Variants in BMPR1B observed in about 807,000 individuals in gnomAD.
BMPR1B encodes bone morphogenetic protein receptor type-1B.
A neutral mutation model predicts 59.1 loss-of-function variants in BMPR1B; 12 were observed. That is an observed-to-expected ratio of 0.20 (90% CI 0.13 to 0.33). The LOEUF is 0.33. Among genes scored for constraint, BMPR1B ranks in the 10% least tolerant of loss-of-function variants. The pLI is 1.00. For missense variants in BMPR1B, 550 were observed against 610.9 expected, an observed-to-expected ratio of 0.90 and a Z score of 1.05; for synonymous variants, 237 against 207.3, an observed-to-expected ratio of 1.14 and a Z score of -1.23.
intron 3 of BMPR1B, among the ~76,000 whole-genome samples, chr4:95,099,547 C>T (rs1447048518): frequency 6.6e-6 from 1 of 152,174 alleles, no homozygotes; most frequent in Non-Finnish European, 1.5e-5. Flanking sequence ...TGTATTTCAT[C>T]AGTGCTTATA....
intron 3 of BMPR1B, among the ~76,000 whole-genome samples, chr4:95,012,435 C>T (rs895198816): frequency 6.6e-6 from 1 of 152,044 alleles, no homozygotes; most frequent in African/African-American, 2.4e-5. Context: ...GAAAGTGAGG[C>T]AGCATACAGT....
intron 2 of BMPR1B, among the ~76,000 whole-genome samples, chr4:94,970,265 TC>T (rs1372854886): frequency 9.0e-6 from 1 of 111,196 alleles, no homozygotes. Flanking sequence ...TCTTCTCTTC[TC>T]TTCTCTTCTC....
Position 95,154,806 on chromosome 4 carries a change from C to A in BMPR1B, c.*133C>A, listed in dbSNP as rs886059732. On this transcript the variant is annotated 3_prime_UTR_variant, in exon 13 of 13. Transcript: ENST00000515059. ...CGTCCTGCTTCCCAGTGGGTTCAGA[C>A]CTCACCTCTCAGGGAGCGACCTGGG... is the stretch of plus-strand genomic sequence containing the variant. 3 of 1,341,078 alleles carry A rather than the reference C, an allele frequency of 2.2e-6. No homozygotes were observed. The highest frequency in any genetic ancestry group is 3.1e-6 in the Non-Finnish European group (3 of 954,282). The allele number at this position is 1,341,078 out of a possible 1,614,324, so 83.1% of individuals were successfully genotyped here. A position where few individuals can be genotyped will look rare whatever the true frequency, so the allele number is the denominator to read the frequency against.
chr4:94,968,903 A>C (rs1341715151), intron 2 of BMPR1B, among the ~76,000 whole-genome samples: 3 of 149,660 alleles, frequency 2.0e-5, no homozygotes, highest in South Asian at 2.1e-4. Context: ...CTGGGATCCA[A>C]CTCTACCCTG....
intron 2 of BMPR1B, among the ~76,000 whole-genome samples, chr4:94,903,427 G>A (rs1479529883): frequency 6.6e-6 from 1 of 150,934 alleles, no homozygotes; most frequent in Non-Finnish European, 1.5e-5. Context: ...TCTTAATCAT[G>A]TAAATTGCCT....
intron 1 of BMPR1B, among the ~76,000 whole-genome samples, chr4:94,861,115 T>G (rs570000938): frequency 2.3e-4 from 35 of 152,286 alleles, no homozygotes; most frequent in African/African-American, 7.2e-4. Context: ...CTTGAGGTAG[T>G]ATAGTGCTGT....
intron 12 of BMPR1B, 136 bp from the exon 13 acceptor site, chr4:95,154,412 A>G (rs1735265091): frequency 8.1e-7 from 1 of 1,239,402 alleles, no homozygotes; most frequent in East Asian, 2.5e-5. Flanking sequence ...AAGCTTACAG[A>G]ATTTTACTTC....
rs1056889596 is a variant in BMPR1B, at chr4:95,057,903, C to T, written c.-17-46505C>T. ...TTCAGAATTCAGCAAATGTTACTAC[C>T]GAAAATAATGATGATGTATTTCTAT... On this transcript the variant is annotated intron_variant, in intron 3 of 12. Coordinates refer to ENST00000515059, the MANE Select transcript of BMPR1B (RefSeq NM_001203.3). Among the ~76,000 whole-genome samples the T allele has an allele frequency of 4.6e-5, 7 of 151,924 alleles. 1 individual carries two copies. The South Asian group carries it at 6.2e-4, about 14-fold the overall frequency.
intron 3 of BMPR1B, among the ~76,000 whole-genome samples, chr4:95,003,967 C>G (rs1222471059): frequency 6.6e-6 from 1 of 151,682 alleles, no homozygotes; most frequent in Admixed American, 6.6e-5. Context: ...GCCACCATGC[C>G]CAGCTGATTT....
At chr4:95,148,625 T>C (rs1734813415) in intron 10 of BMPR1B, 123 bp from the exon 11 acceptor site, 2 of 975,166 alleles carry the variant, frequency 2.1e-6, no homozygotes, top group East Asian at 2.6e-5. Context: ...AAATTGTTTT[T>C]ATTCCCTGGA....
chr4:95,102,159 C>T (rs529754942), intron 3 of BMPR1B, among the ~76,000 whole-genome samples: 1 of 152,298 alleles, frequency 6.6e-6, no homozygotes, highest in South Asian at 2.1e-4. Context: ...ACCACTTCTT[C>T]TAGACAAATT....
chr4:95,127,044 C>CTGTGTGTGTGTGTGTG (rs6148578), intron 8 of BMPR1B, among the ~76,000 whole-genome samples: 23,953 of 146,136 alleles, frequency 0.16, 2,365 homozygotes, highest in Admixed American at 0.26. Context: ...AGAATTAAGA[C>CTGTGTGTGTGTGTGTG]TGTGTGTGTG....
intron 3 of BMPR1B, among the ~76,000 whole-genome samples, chr4:95,089,696 T>C (rs1729839553): frequency 6.6e-6 from 1 of 152,072 alleles, no homozygotes. Flanking sequence ...ATTATTATAA[T>C]AACATAGTTT....
intron 1 of BMPR1B, among the ~76,000 whole-genome samples, chr4:94,813,988 T>G (rs1723917446): frequency 6.6e-6 from 1 of 152,194 alleles, no homozygotes; most frequent in African/African-American, 2.4e-5. Context: ...GCCTATGAGA[T>G]ATGCAGGTGG....
At chr4:94,970,124 A>G (rs1172770281) in intron 2 of BMPR1B, among the ~76,000 whole-genome samples, 1 of 152,184 alleles carries the variant, frequency 6.6e-6, no homozygotes, top group Non-Finnish European at 1.5e-5. Context: ...AATGTTTAGT[A>G]GTTTACTCTG....
intron 3 of BMPR1B, among the ~76,000 whole-genome samples, chr4:95,007,135 C>T (rs1234405343): frequency 6.6e-6 from 1 of 152,090 alleles, no homozygotes; most frequent in African/African-American, 2.4e-5. Context: ...CTTTATACAA[C>T]AACAGCAACA....
intron 1 of BMPR1B, among the ~76,000 whole-genome samples, chr4:94,830,950 G>A (rs980309176): frequency 6.6e-6 from 1 of 152,158 alleles, no homozygotes; most frequent in Non-Finnish European, 1.5e-5. Context: ...ACAGGTTTAT[G>A]TATTGATTCC....
intron 2 of BMPR1B, among the ~76,000 whole-genome samples, chr4:94,990,643 T>A (rs1227486147): frequency 1.3e-5 from 2 of 151,920 alleles, no homozygotes; most frequent in Non-Finnish European, 2.9e-5. Context: ...CTGCTTGACT[T>A]CAGAGTACTC....
intron 2 of BMPR1B, among the ~76,000 whole-genome samples, chr4:94,988,604 A>T (rs1437428863): frequency 1.3e-5 from 2 of 149,392 alleles, no homozygotes; most frequent in African/African-American, 2.6e-5. Context: ...ACTTACATAC[A>T]ACATTATTTC....
Sources: allele counts gnomAD v4.1 joint callset (sites outside exome capture counted in the v4.1 genomes callset), GRCh38; gene constraint gnomAD v4.1.1; transcripts MANE v1.5; gene names NCBI Gene and HGNC (gene_info 2026-07-23, HGNC 2026-07-21).